The following PPIP5K2 variants were observed in gnomAD, a reference collection of about 807,000 sequenced individuals.
PPIP5K2 encodes inositol hexakisphosphate and diphosphoinositol-pentakisphosphate kinase 2.
PPIP5K2 carries 105 observed loss-of-function variants against 154.6 expected under a neutral mutation model. The observed-to-expected ratio is 0.68, with a 90% CI of 0.58 to 0.80. The LOEUF is 0.80. Among genes scored for constraint, PPIP5K2 ranks in the 30% least tolerant of loss-of-function variants. The pLI is 0.00. For synonymous variants in PPIP5K2, 480 were observed against 490.3 expected, an observed-to-expected ratio of 0.98 and a Z score of 0.28; for missense variants, 992 against 1,504.6, an observed-to-expected ratio of 0.66 and a Z score of 5.64.
chr5:103,157,623 C>CA (rs1795618038), intron 14 of PPIP5K2, among the ~76,000 whole-genome samples: 1 of 150,882 alleles, frequency 6.6e-6, no homozygotes. Context: ...ACTAAAAATA[C>CA]AAAAATTAGC....
intron 29 of PPIP5K2, 161 bp downstream of exon 29, chr5:103,191,143 T>C: frequency 1.9e-6 from 1 of 523,208 alleles, no homozygotes; most frequent in Non-Finnish European, 3.1e-6. Flanking sequence ...TGGTGTAATG[T>C]GAACTGTACC....
At chr5:103,124,101 A>G (rs1355796954) in intron 1 of PPIP5K2, among the ~76,000 whole-genome samples, 2 of 152,098 alleles carry the variant, frequency 1.3e-5, no homozygotes, top group African/African-American at 4.8e-5. Flanking sequence ...TAACACTGTG[A>G]AACTCCGTCT....
chr5:103,197,569 A>ATTTTTTT (rs782156090), intron 30 of PPIP5K2, among the ~76,000 whole-genome samples: 18 of 86,974 alleles, frequency 2.1e-4, no homozygotes, highest in East Asian at 3.8e-4. Flanking sequence ...TAAAACACAA[A>ATTTTTTT]TTTTTTTTTT....
chr5:103,187,771 A>G (rs1800626017), intron 28 of PPIP5K2, among the ~76,000 whole-genome samples: 1 of 152,116 alleles, frequency 6.6e-6, no homozygotes, highest in East Asian at 1.9e-4. Context: ...TGTTTTATTG[A>G]GATATTTAAA....
chr5:103,203,409 A>G lies in PPIP5K2; in HGVS notation c.*1775A>G, dbSNP rs756564058. On this transcript the variant is annotated 3_prime_UTR_variant, in exon 31 of 31. Transcript: ENST00000358359. Reference sequence around the variant, plus strand: ...CTTTTTCCATTGTTATGCAAGAACTATTACTTTCCTGTAGTCACCAAACTC... The same window carrying G: ...CTTTTTCCATTGTTATGCAAGAACTGTTACTTTCCTGTAGTCACCAAACTC... 1.3e-5 allele frequency: 2 copies of G among 152,176 alleles called. No individual in the cohort carries two copies. The highest frequency in any genetic ancestry group is 2.9e-5 in the Non-Finnish European group (2 of 68,026). The allele number at this position is 152,176 out of a possible 1,614,324, so 9.4% of individuals were successfully genotyped here.
At position 103,184,700 on chromosome 5, in the gene PPIP5K2, G is replaced by A. The variant is rs1010834866; in HGVS notation, c.3125G>A (p.Arg1042Lys). The A allele has an allele frequency of 1.2e-6, 2 of 1,612,446 alleles. No individual in the cohort carries two copies. Among genetic ancestry groups the A allele is most frequent in the Non-Finnish European group, 1.7e-6 (2 of 1,178,844 alleles). The change falls in exon 26 of 31, where the codon AGA (arginine) becomes AAA (lysine). Residue 1042 changes from arginine to lysine, a missense_variant. Transcript: ENST00000358359. Reference sequence around the variant, plus strand: ...GTATCTGAAAATGCTAATTACCTGAGAACACCAAGAACTCTTGTGGAACAG... The same window carrying A: ...GTATCTGAAAATGCTAATTACCTGAAAACACCAAGAACTCTTGTGGAACAG... The part of the protein sequence containing the change: ...QVVSENANYL[R>K]TPRTLVEQKQ...
chr5:103,135,285 G>T (rs1459097230), intron 3 of PPIP5K2, among the ~76,000 whole-genome samples: 1 of 152,170 alleles, frequency 6.6e-6, no homozygotes, highest in African/African-American at 2.4e-5. Context: ...TGGTACCAGA[G>T]GCTTAGAGAC....
chr5:103,146,273 C>T (rs1353551040), intron 5 of PPIP5K2, among the ~76,000 whole-genome samples: 7 of 151,796 alleles, frequency 4.6e-5, no homozygotes, highest in Admixed American at 1.3e-4. Context: ...TCACATCTAA[C>T]TTTGAATTCT....
At chr5:103,186,982 A>G (rs1800486598) in intron 27 of PPIP5K2, among the ~76,000 whole-genome samples, 1 of 152,118 alleles carries the variant, frequency 6.6e-6, no homozygotes, top group South Asian at 2.1e-4. Context: ...CCCTTTTGTT[A>G]AGAGAAGTGG....
At chr5:103,191,530 A>G (rs1801232576) in intron 29 of PPIP5K2, among the ~76,000 whole-genome samples, 1 of 152,112 alleles carries the variant, frequency 6.6e-6, no homozygotes, top group South Asian at 2.1e-4. Context: ...TTTAGAAACT[A>G]TGTTATATCC....
chr5:103,128,822 A>G (rs560260667), intron 1 of PPIP5K2, among the ~76,000 whole-genome samples: 2 of 152,286 alleles, frequency 1.3e-5, no homozygotes, highest in South Asian at 2.1e-4. Flanking sequence ...AGAATATAGA[A>G]TTGTTATGTT....
rs900298790 is a variant in PPIP5K2 at position 103,129,350 on chromosome 5, G to T, written c.-240G>T. The T allele has an allele frequency of 7.5e-6, 2 of 267,746 alleles. No individual in the cohort carries two copies. Among genetic ancestry groups the T allele is most frequent in the Non-Finnish European group, 1.4e-5 (2 of 142,230 alleles). The allele number at this position is 267,746 out of a possible 1,614,324, so 16.6% of individuals were successfully genotyped here. ...AACTCAAGAAAGCAGTAACTTCACT[G>T]TCTTTGTATTTTGAATTGCAACAAC... On this transcript the variant is annotated 5_prime_UTR_variant, in exon 2 of 31. Transcript: ENST00000358359.
chr5:103,149,824 G>A (rs1794344950), intron 8 of PPIP5K2, among the ~76,000 whole-genome samples: 1 of 151,716 alleles, frequency 6.6e-6, no homozygotes, highest in African/African-American at 2.4e-5. Flanking sequence ...AGCCTCCAGA[G>A]TAGCTGGGAT....
intron 29 of PPIP5K2, among the ~76,000 whole-genome samples, chr5:103,191,449 T>C (rs568252805): frequency 3.3e-5 from 5 of 152,148 alleles, no homozygotes; most frequent in African/African-American, 1.2e-4. Flanking sequence ...TTTCAAATTG[T>C]GTATCTCAGA....
intron 30 of PPIP5K2, 92 bp downstream of exon 30, chr5:103,195,117 T>G (rs144876477): frequency 2.7e-6 from 4 of 1,489,752 alleles, no homozygotes; most frequent in Non-Finnish European, 3.7e-6. Context: ...TTTTAATTAG[T>G]ATCTTTGCAC....
In PPIP5K2 at chr5:103,186,310, C is replaced by A; in HGVS notation, c.3170-10C>A. 6.2e-7 allele frequency: 1 copy of A among 1,613,520 alleles called. No individual in the cohort carries two copies. Among genetic ancestry groups the A allele is most frequent in the Non-Finnish European group, 8.5e-7 (1 of 1,179,680 alleles). On this transcript the variant is annotated splice_polypyrimidine_tract_variant and intron_variant, in intron 26 of 30. Transcript: ENST00000358359. ...CCCGTTGTGTATGTATTTTCTCTAA[C>A]TCCCATCAGGGTCTCACTGTGCGGG...
intron 5 of PPIP5K2, among the ~76,000 whole-genome samples, chr5:103,142,069 C>T (rs751067255): frequency 8.5e-5 from 13 of 152,328 alleles, no homozygotes; most frequent in East Asian, 1.9e-4. Context: ...TGGGACTGGG[C>T]GCCGTGGAGC....
At chr5:103,173,774 A>G (rs1798313783) in intron 20 of PPIP5K2, 84 bp from the exon 21 acceptor site, 5 of 920,524 alleles carry the variant, frequency 5.4e-6, no homozygotes, top group African/African-American at 1.7e-5. Context: ...GTGAAATTAC[A>G]TTTAATTTTA....
intron 17 of PPIP5K2, among the ~76,000 whole-genome samples, chr5:103,163,226 C>G (rs1212711487): frequency 4.0e-5 from 6 of 150,226 alleles, no homozygotes; most frequent in African/African-American, 1.5e-4. Flanking sequence ...GTCTTTCAAT[C>G]TGTGAATGTA....
Sources: allele counts gnomAD v4.1 joint callset (sites outside exome capture counted in the v4.1 genomes callset), GRCh38; gene constraint gnomAD v4.1.1; transcripts MANE v1.5; gene names NCBI Gene and HGNC (gene_info 2026-07-23, HGNC 2026-07-21).